CHN1: variants seen among roughly 807,000 people sequenced by gnomAD.
CHN1 encodes the protein chimerin 1.
CHN1 carries 37 observed loss-of-function variants against 59.5 expected under a neutral mutation model. The observed-to-expected ratio is 0.62, with a 90% confidence interval of 0.48 to 0.82. The LOEUF is 0.82. Ranked by LOEUF, CHN1 falls within the 40% of genes least tolerant of loss-of-function variation. The pLI, the probability that CHN1 is intolerant of heterozygous loss-of-function variation, is 0.00. For missense variants in CHN1, 469 were observed against 571.0 expected, an observed-to-expected ratio of 0.82 and a Z score of 1.82; for synonymous variants, 206 against 200.4, an observed-to-expected ratio of 1.03 and a Z score of -0.24.
intron 7 of CHN1, among the ~76,000 whole-genome samples, chr2:174,846,050 G>C (rs1686499985): frequency 1.3e-5 from 2 of 152,118 alleles, no homozygotes; most frequent in African/African-American, 4.8e-5. Flanking sequence ...GCATCACAAA[G>C]TTGTCTAACT....
At chr2:174,998,780 T>C (rs1198574113) in intron 1 of CHN1, among the ~76,000 whole-genome samples, 1 of 152,210 alleles carries the variant, frequency 6.6e-6, no homozygotes, top group Non-Finnish European at 1.5e-5. Flanking sequence ...TTTTTGTTCT[T>C]TGAGGAAGAA....
chr2:174,942,704 A>G (rs1323530610), intron 3 of CHN1, among the ~76,000 whole-genome samples: 1 of 152,212 alleles, frequency 6.6e-6, no homozygotes, highest in Non-Finnish European at 1.5e-5. Context: ...ATCACTCTGT[A>G]CTACACAAAT....
chr2:174,819,695 G>C (rs1685413510), intron 8 of CHN1, among the ~76,000 whole-genome samples: 1 of 151,622 alleles, frequency 6.6e-6, no homozygotes. Context: ...TTAAGTTTTA[G>C]GGTACATGTG....
intron 1 of CHN1, among the ~76,000 whole-genome samples, chr2:174,965,054 C>G (rs1263599569): frequency 6.6e-6 from 1 of 151,972 alleles, no homozygotes; most frequent in Non-Finnish European, 1.5e-5. Context: ...CTAGTTAAAT[C>G]CATCTTTGAT....
chr2:174,915,297 A>AT (rs1467115289), intron 4 of CHN1, 126 bp from the exon 5 acceptor site: 1 of 738,552 alleles, frequency 1.4e-6, no homozygotes, highest in Non-Finnish European at 2.3e-6. Context: ...ACATAATGGA[A>AT]GGGAAGCACT....
At chr2:174,998,452 A>G (rs1262703104) in intron 1 of CHN1, among the ~76,000 whole-genome samples, 3 of 152,164 alleles carry the variant, frequency 2.0e-5, no homozygotes, top group Admixed American at 2.0e-4. Context: ...GTCTGTGGTC[A>G]CAAAAATCTA....
At chr2:174,819,409 C>A (rs987360511) in intron 8 of CHN1, among the ~76,000 whole-genome samples, 5 of 152,140 alleles carry the variant, frequency 3.3e-5, no homozygotes, top group African/African-American at 1.2e-4. Context: ...TCATAAATAA[C>A]CAACATTAAA....
intron 11 of CHN1, among the ~76,000 whole-genome samples, chr2:174,807,168 GT>G (rs1291287725): frequency 6.6e-6 from 1 of 152,210 alleles, no homozygotes; most frequent in East Asian, 1.9e-4. Flanking sequence ...TAAGGTGGGT[GT>G]GGGGAAGGAA....
chr2:174,858,672 A>C (rs1268373998), intron 6 of CHN1, among the ~76,000 whole-genome samples: 1 of 152,150 alleles, frequency 6.6e-6, no homozygotes, highest in East Asian at 1.9e-4. Flanking sequence ...CTGTTAGTTC[A>C]AAGGATCCTA....
intron 5 of CHN1, among the ~76,000 whole-genome samples, chr2:174,888,603 A>T (rs1687959009): frequency 6.6e-6 from 1 of 152,250 alleles, no homozygotes; most frequent in Non-Finnish European, 1.5e-5. Context: ...AAGAAGTTGC[A>T]GTACTCCAGG....
intron 5 of CHN1, among the ~76,000 whole-genome samples, chr2:174,905,525 G>C (rs12624191): frequency 6.6e-6 from 1 of 151,960 alleles, no homozygotes; most frequent in Non-Finnish European, 1.5e-5. Context: ...TGAATAGACA[G>C]AATACTAGTG....
At chr2:174,907,743 T>C (rs895099264) in intron 5 of CHN1, among the ~76,000 whole-genome samples, 7 of 151,972 alleles carry the variant, frequency 4.6e-5, no homozygotes, top group Non-Finnish European at 7.4e-5. Flanking sequence ...ACCAAACATT[T>C]TGGTGATCAT....
At chr2:174,908,112 A>G (rs1688593664) in intron 5 of CHN1, among the ~76,000 whole-genome samples, 2 of 152,070 alleles carry the variant, frequency 1.3e-5, no homozygotes, top group Non-Finnish European at 2.9e-5. Flanking sequence ...GATTATCAAG[A>G]CTCTTGCACA....
intron 8 of CHN1, among the ~76,000 whole-genome samples, chr2:174,821,940 C>T (rs1159292014): frequency 6.6e-6 from 1 of 152,136 alleles, no homozygotes; most frequent in South Asian, 2.1e-4. Flanking sequence ...GAATTAGAAG[C>T]GGACATCTCT....
At chr2:174,842,213 G>A (rs937640868) in intron 7 of CHN1, among the ~76,000 whole-genome samples, 1 of 152,292 alleles carries the variant, frequency 6.6e-6, no homozygotes, top group African/African-American at 2.4e-5. Context: ...TAGACATCGG[G>A]AAAGGGCAAG....
intron 3 of CHN1, among the ~76,000 whole-genome samples, chr2:174,919,104 G>A (rs1215440353): frequency 6.6e-6 from 1 of 152,170 alleles, no homozygotes; most frequent in Non-Finnish European, 1.5e-5. Flanking sequence ...CAGGAAGATA[G>A]ACAGCATTCA....
chr2:174,833,014 A>G (rs1685933170), intron 7 of CHN1, among the ~76,000 whole-genome samples: 1 of 152,168 alleles, frequency 6.6e-6, no homozygotes, highest in Non-Finnish European at 1.5e-5. Context: ...AAACAGTTAT[A>G]TGACACATGG....
rs200124327 is a variant in CHN1, at chr2:174,895,196, G to GTATATA, written c.261-17069_261-17068insTATATA. On this transcript the variant is annotated intron_variant, in intron 5 of 12. Transcript: ENST00000409900. ...TATAGGAGTATATATATGTGTGTGT[G>GTATATA]TGTATATATATATATATACACACAC... is the stretch of plus-strand genomic sequence containing the variant. Among the ~76,000 whole-genome samples, 784 of 137,962 alleles carry GTATATA rather than the reference G, an allele frequency of 5.7e-3. 14 individuals carry two copies. The highest frequency in any genetic ancestry group is 0.019 in the African/African-American group (710 of 36,432). The allele number at this position is 137,962 out of a possible 152,430, so 90.5% of individuals were successfully genotyped here. A position where few individuals can be genotyped will look rare whatever the true frequency, so the allele number is the denominator to read the frequency against.
intron 7 of CHN1, chr2:174,846,257 T>G: frequency 1.3e-6 from 2 of 1,514,518 alleles, no homozygotes; most frequent in South Asian, 2.6e-5. Flanking sequence ...GAAAGAAAAT[T>G]CAAGTACAGT....
Sources: gnomAD v4.1 joint callset for allele counts (sites outside exome capture counted in the v4.1 genomes callset) on GRCh38, gnomAD v4.1.1 for gene constraint, MANE v1.5 for transcripts, NCBI Gene and HGNC (gene_info 2026-07-23, HGNC 2026-07-21) for gene names.